SLC6A17: variants seen among roughly 807,000 people sequenced by gnomAD.
SLC6A17 encodes solute carrier family 6 member 17.
Under a neutral mutation model 64.5 loss-of-function variants are expected in SLC6A17, and 21 were observed. That is an observed-to-expected ratio of 0.33 (90% CI 0.23 to 0.47). The LOEUF is 0.47. Ranked by LOEUF, SLC6A17 falls within the 20% of genes least tolerant of loss-of-function variation. The pLI is 1.00. For missense variants in SLC6A17, 682 were observed against 963.2 expected (o/e 0.71, Z 3.86); for synonymous variants, 372 against 399.5 (o/e 0.93, Z 0.82).
At chr1:110,182,782 ACTAGTG>A (rs1656567382) in intron 6 of SLC6A17, among the ~76,000 whole-genome samples, 1 of 152,150 alleles carries the variant, frequency 6.6e-6, no homozygotes, top group Non-Finnish European at 1.5e-5. Flanking sequence ...CAGAGGGGTC[ACTAGTG>A]ACCTCAACAA....
intron 1 of SLC6A17, among the ~76,000 whole-genome samples, chr1:110,155,638 G>T (rs749864920): frequency 1.4e-4 from 21 of 152,146 alleles, no homozygotes; most frequent in Non-Finnish European, 2.4e-4. Context: ...TTGTCCCACT[G>T]AGCTGCCACT....
chr1:110,169,841 G>C (rs1656169761), intron 2 of SLC6A17, among the ~76,000 whole-genome samples: 1 of 152,226 alleles, frequency 6.6e-6, no homozygotes, highest in Non-Finnish European at 1.5e-5. Flanking sequence ...TTGCAACAAA[G>C]GTTGATATGA....
chr1:110,173,902 C>T, intron 3 of SLC6A17, 71 bp from the exon 4 acceptor site: 1 of 1,537,476 alleles, frequency 6.5e-7, no homozygotes, highest in Non-Finnish European at 8.8e-7. Context: ...CGTGCTGGGC[C>T]TCGGGTGGAG....
chr1:110,169,031 CTTTG>C (rs1293492179), intron 2 of SLC6A17, among the ~76,000 whole-genome samples: 6 of 151,980 alleles, frequency 3.9e-5, no homozygotes, highest in African/African-American at 1.5e-4. Context: ...ACAGGTTTTT[CTTTG>C]TTTGTTTTTT....
chr1:110,180,185 T>G (rs1003094999), intron 6 of SLC6A17, among the ~76,000 whole-genome samples: 2 of 152,218 alleles, frequency 1.3e-5, no homozygotes, highest in African/African-American at 4.8e-5. Flanking sequence ...GTCCACAGAC[T>G]CCACATCCCA....
chr1:110,197,401 G>C (rs1656997375), intron 10 of SLC6A17, 36 bp from the exon 11 acceptor site: 1 of 1,577,854 alleles, frequency 6.3e-7, no homozygotes, highest in Non-Finnish European at 8.6e-7. Context: ...GTGACTGAGG[G>C]ATGCCAACTG....
intron 3 of SLC6A17, among the ~76,000 whole-genome samples, chr1:110,173,166 G>A (rs537378130): frequency 6.6e-6 from 1 of 152,268 alleles, no homozygotes; most frequent in South Asian, 2.1e-4. Flanking sequence ...AAAGAAGTGG[G>A]TGTCTCACTC....
At chr1:110,178,823 C>G (rs940745962) in intron 6 of SLC6A17, 1 of 152,176 alleles carries the variant, frequency 6.6e-6, no homozygotes, top group Non-Finnish European at 1.5e-5. Flanking sequence ...TCCCAAAGAC[C>G]CCCACCTCTT....
intron 1 of SLC6A17, among the ~76,000 whole-genome samples, chr1:110,154,721 T>C (rs1655710353): frequency 6.6e-6 from 1 of 152,170 alleles, no homozygotes; most frequent in Non-Finnish European, 1.5e-5. Context: ...GATGTTGCCC[T>C]GAGAATTTCT....
At chr1:110,194,970 G>A (rs1259747312) in intron 9 of SLC6A17, 199 bp downstream of exon 9, 7 of 674,842 alleles carry the variant, frequency 1.0e-5, no homozygotes, top group African/African-American at 7.2e-5. Flanking sequence ...TGGAAATCTG[G>A]AGCAAACATG....
Position 110,195,652 on chromosome 1 carries a change from T to C in SLC6A17, c.1559T>C (p.Val520Ala). ...LFVQRSGNYF[V>A]TMFDDYSATL... ...GTCCAGCGCTCCGGAAACTACTTTGTCACCATGTTCGATGACTACTCGGCC... is the reference window on the plus strand; with the variant it reads ...GTCCAGCGCTCCGGAAACTACTTTGCCACCATGTTCGATGACTACTCGGCC... Residue 520 changes from valine to alanine, a missense_variant, in exon 10 of 12, where the codon GTC becomes GCC. This residue lies in a region of SLC6A17 where 264 missense variants were observed against 339.5 expected (regional missense o/e 0.78). Coordinates refer to ENST00000331565, the MANE Select transcript of SLC6A17 (RefSeq NM_001010898.4). 2 of 1,614,252 alleles carry C rather than the reference T, an allele frequency of 1.2e-6. No individual in the cohort carries two copies. The highest frequency in any genetic ancestry group is 1.7e-6 in the Non-Finnish European group (2 of 1,180,050).
chr1:110,198,019 TG>T, intron 11 of SLC6A17, 56 bp from the exon 12 acceptor site: 2 of 1,554,454 alleles, frequency 1.3e-6, no homozygotes, highest in Non-Finnish European at 1.7e-6. Flanking sequence ...TTGGAGGGCC[TG>T]GGCGGGGAGG....
chr1:110,181,164 C>CA (rs1656513583), intron 6 of SLC6A17, among the ~76,000 whole-genome samples: 1 of 152,208 alleles, frequency 6.6e-6, no homozygotes. Flanking sequence ...CCCAGGTCAG[C>CA]ATGGGCTACC....
intron 6 of SLC6A17, among the ~76,000 whole-genome samples, chr1:110,179,262 A>T (rs968221400): frequency 1.3e-5 from 2 of 152,218 alleles, no homozygotes; most frequent in African/African-American, 2.4e-5. Flanking sequence ...CTTCATGCAT[A>T]CATGTTTCTC....
At chr1:110,175,137 C>A (rs1196788487) in intron 5 of SLC6A17, among the ~76,000 whole-genome samples, 177 bp downstream of exon 5, 2 of 152,160 alleles carry the variant, frequency 1.3e-5, no homozygotes, top group Non-Finnish European at 2.9e-5. Flanking sequence ...GGACAGCCTA[C>A]CCGGAATGGA....
chr1:110,180,097 T>C (rs1175926627), intron 6 of SLC6A17, among the ~76,000 whole-genome samples: 2 of 152,064 alleles, frequency 1.3e-5, no homozygotes, highest in African/African-American at 4.8e-5. Flanking sequence ...AAATAATTAA[T>C]TAAAAATCAA....
chr1:110,172,781 C>T (rs146908418), intron 3 of SLC6A17, among the ~76,000 whole-genome samples: 2 of 152,276 alleles, frequency 1.3e-5, no homozygotes, highest in East Asian at 3.9e-4. Context: ...ACGCCAGTGG[C>T]CCTGGATGGA....
chr1:110,167,183 G>A lies in SLC6A17; in HGVS notation c.254G>A (p.Arg85Lys). The change falls in exon 2 of 12, where the codon AGG becomes AAG. Residue 85 changes from arginine (R) to lysine (K), a missense_variant. Transcript: ENST00000331565. Reference protein sequence around the residue: ...GFSVGLGNIWRFPYLCQKNGG... With the variant: ...GFSVGLGNIWKFPYLCQKNGG... ...TCTGTGGGCCTCGGCAACATCTGGAGGTTCCCCTACCTGTGCCAGAAAAAT... is the reference window on the plus strand; with the variant it reads ...TCTGTGGGCCTCGGCAACATCTGGAAGTTCCCCTACCTGTGCCAGAAAAAT... 1 of 1,613,580 alleles carries A rather than the reference G, an allele frequency of 6.2e-7. No individual in the cohort carries two copies. The highest frequency in any genetic ancestry group is 8.5e-7 in the Non-Finnish European group (1 of 1,179,758).
Position 110,195,950 on chromosome 1 carries a change from C to G in SLC6A17, c.1652+205C>G, listed in dbSNP as rs558581912. Among the ~76,000 whole-genome samples, 6 of 152,288 alleles carry G rather than the reference C, an allele frequency of 3.9e-5. No individual in the cohort carries two copies. The South Asian group carries it at 1.2e-3, about 32-fold the overall frequency. On this transcript the variant is annotated intron_variant, in intron 10 of 11. Coordinates refer to ENST00000331565, the MANE Select transcript of SLC6A17 (RefSeq NM_001010898.4). ...CAGAGCCAGTCTGAGGACTGGGTGT[C>G]CTGGGTGCAGGTCCTGGCATCATCC...
Sources: allele counts gnomAD v4.1 joint callset (sites outside exome capture counted in the v4.1 genomes callset), GRCh38; gene constraint gnomAD v4.1.1; regional missense constraint gnomAD v4.1.1; transcripts MANE v1.5; gene names NCBI Gene and HGNC (gene_info 2026-07-23, HGNC 2026-07-21).